ADGRL3: variants seen among roughly 807,000 people sequenced by gnomAD.
ADGRL3 encodes the protein calcium-independent alpha-latrotoxin receptor 3.
Under a neutral mutation model 153.5 loss-of-function variants are expected in ADGRL3, and 62 were observed. That is an observed-to-expected ratio of 0.40 (90% confidence interval 0.33 to 0.50). ADGRL3 has a LOEUF of 0.50. Among genes scored for constraint, ADGRL3 ranks in the 20% least tolerant of loss-of-function variants. ADGRL3 has a pLI of 0.47. For missense variants in ADGRL3, 1,641 were observed against 1,859.4 expected, an observed-to-expected ratio of 0.88 and a Z score of 2.16; for synonymous variants, 710 against 672.5, an observed-to-expected ratio of 1.06 and a Z score of -0.86.
intron 2 of ADGRL3, among the ~76,000 whole-genome samples, chr4:61,448,970 A>T (rs2097639205): frequency 6.6e-6 from 1 of 152,132 alleles, no homozygotes; most frequent in African/African-American, 2.4e-5. Context: ...AACCATGTTT[A>T]TGTGGAGATA....
intron 5 of ADGRL3, among the ~76,000 whole-genome samples, chr4:61,627,574 T>C (rs1560958668): frequency 1.3e-5 from 2 of 152,114 alleles, no homozygotes; most frequent in African/African-American, 4.8e-5. Flanking sequence ...TGCGCTGTGA[T>C]CATGCCACTG....
At chr4:61,582,814 T>C (rs2098931496) in intron 4 of ADGRL3, among the ~76,000 whole-genome samples, 1 of 152,026 alleles carries the variant, frequency 6.6e-6, no homozygotes, top group South Asian at 2.1e-4. Flanking sequence ...AATGACCTTC[T>C]GTGTATCTCT....
At chr4:61,336,933 C>T (rs1285251916) in intron 1 of ADGRL3, among the ~76,000 whole-genome samples, 1 of 150,810 alleles carries the variant, frequency 6.6e-6, no homozygotes, top group Non-Finnish European at 1.5e-5. Context: ...GCAGTCACCA[C>T]TCTGTTCCAT....
chr4:61,432,634 CTTTCTTTCTTTCTTTCTTTCTTTTTTT>C (rs2097380078), intron 2 of ADGRL3, among the ~76,000 whole-genome samples: 1 of 32,578 alleles, frequency 3.1e-5, no homozygotes. Flanking sequence ...TTCTTTCTTT[CTTTCTTTCTTTCTTTCTTTCTTTTTTT>C]TTTTTTTTTG....
intron 4 of ADGRL3, among the ~76,000 whole-genome samples, chr4:61,562,695 A>T (rs1435516457): frequency 6.6e-6 from 1 of 152,128 alleles, no homozygotes; most frequent in Non-Finnish European, 1.5e-5. Flanking sequence ...CTCTCTTGCT[A>T]TTCGAACCAC....
At position 61,205,949 on chromosome 4, in the gene ADGRL3, A is replaced by G. The variant is rs555803961; in HGVS notation, c.-240+4184A>G. ...AATAAAATTAATTCTACTGCTGCATAAGAAACCAAGTGTAACTTTTTTCTT... is the reference window on the plus strand; with the variant it reads ...AATAAAATTAATTCTACTGCTGCATGAGAAACCAAGTGTAACTTTTTTCTT... On this transcript the variant is annotated intron_variant, in intron 1 of 26. Coordinates refer to ENST00000683033, the MANE Select transcript of ADGRL3 (RefSeq NM_001387552.1). 1.5e-3 allele frequency among the ~76,000 whole-genome samples: 225 copies of G among 152,320 alleles called. 1 individual carries two copies. Among genetic ancestry groups the G allele is most frequent in the Non-Finnish European group, 2.6e-3 (180 of 68,014 alleles).
intron 5 of ADGRL3, among the ~76,000 whole-genome samples, chr4:61,615,632 G>T (rs1163960159): frequency 2.6e-5 from 4 of 151,342 alleles, no homozygotes; most frequent in African/African-American, 7.3e-5. Context: ...TGACAGAATA[G>T]CAGGAAACTC....
At chr4:61,697,364 C>G (rs892643674) in intron 6 of ADGRL3, among the ~76,000 whole-genome samples, 2 of 151,864 alleles carry the variant, frequency 1.3e-5, no homozygotes, top group Admixed American at 6.6e-5. Context: ...AGTTCAAGAC[C>G]AGCCTGGCCA....
intron 9 of ADGRL3, among the ~76,000 whole-genome samples, chr4:61,843,005 C>A (rs926832860): frequency 1.3e-5 from 2 of 151,970 alleles, no homozygotes; most frequent in African/African-American, 4.8e-5. Context: ...ACTTATGATT[C>A]TTGCAATTAT....
intron 1 of ADGRL3, among the ~76,000 whole-genome samples, chr4:61,272,084 A>T (rs1416874766): frequency 6.6e-6 from 1 of 151,784 alleles, no homozygotes; most frequent in African/African-American, 2.4e-5. Flanking sequence ...TGTAATTTGG[A>T]TATGTGATTA....
At chr4:61,929,457 T>A (rs1396381841) in intron 13 of ADGRL3, among the ~76,000 whole-genome samples, 2 of 152,218 alleles carry the variant, frequency 1.3e-5, no homozygotes, top group Admixed American at 1.3e-4. Context: ...AAGTATTGGC[T>A]AGTTAATAAG....
intron 15 of ADGRL3, among the ~76,000 whole-genome samples, chr4:61,946,422 G>A (rs1443453743): frequency 6.6e-6 from 1 of 151,298 alleles, no homozygotes; most frequent in Admixed American, 6.6e-5. Context: ...TTTATTTTTT[G>A]TTGGTAAAAA....
intron 1 of ADGRL3, among the ~76,000 whole-genome samples, chr4:61,353,615 T>TA: frequency 6.7e-6 from 1 of 149,314 alleles, no homozygotes; most frequent in Non-Finnish European, 1.5e-5. Context: ...TTTTTTTTTT[T>TA]TTTTTTGTAG....
chr4:61,637,598 T>C (rs1350458823), intron 5 of ADGRL3, among the ~76,000 whole-genome samples: 2 of 151,972 alleles, frequency 1.3e-5, no homozygotes, highest in Non-Finnish European at 2.9e-5. Flanking sequence ...ACCTCGTCTA[T>C]GCAAAAATAC....
At chr4:61,734,281 C>G (rs1023489355) in intron 8 of ADGRL3, among the ~76,000 whole-genome samples, 3 of 151,746 alleles carry the variant, frequency 2.0e-5, no homozygotes, top group African/African-American at 7.3e-5. Flanking sequence ...CAACTGAACA[C>G]CATTCTCTTA....
At chr4:61,996,475 A>G (rs2151040431) in intron 20 of ADGRL3, 118 bp downstream of exon 20, 1 of 700,142 alleles carries the variant, frequency 1.4e-6, no homozygotes, top group Non-Finnish European at 2.5e-6. Flanking sequence ...TACTTATTTG[A>G]CCCTACATAA....
intron 5 of ADGRL3, among the ~76,000 whole-genome samples, chr4:61,594,889 C>T (rs977690302): frequency 2.7e-4 from 41 of 152,162 alleles, no homozygotes; most frequent in African/African-American, 9.7e-4. Flanking sequence ...AACCACAATA[C>T]AAAGTCCTTC....
intron 5 of ADGRL3, among the ~76,000 whole-genome samples, chr4:61,602,952 T>C (rs9996810): frequency 0.23 from 34,690 of 152,124 alleles, 4,276 homozygotes; most frequent in African/African-American, 0.29. Context: ...ATCAGAAATG[T>C]AGCATATCAT....
rs146639672 is a variant in ADGRL3 at position 61,584,674 on chromosome 4, G to A, written c.260-2553G>A. Among the ~76,000 whole-genome samples, 454 of 151,922 alleles carry A rather than the reference G, an allele frequency of 3.0e-3. 2 individuals are homozygous for A. Among genetic ancestry groups the A allele is most frequent in the African/African-American group, 0.01 (431 of 41,484 alleles). ...GTTTCAATGTGATTTTTTATAAAAT[G>A]GTTATAAAAGTTAAGAAACAATTTG... On this transcript the variant is annotated intron_variant, in intron 4 of 26. Transcript: ENST00000683033.
Sources: gnomAD v4.1 joint callset for allele counts (sites outside exome capture counted in the v4.1 genomes callset) on GRCh38, gnomAD v4.1.1 for gene constraint, MANE v1.5 for transcripts, NCBI Gene and HGNC (gene_info 2026-07-23, HGNC 2026-07-21) for gene names.